The following INPPL1 variants were observed in gnomAD, a reference collection of about 807,000 sequenced individuals.
INPPL1 encodes the protein inositol polyphosphate phosphatase like 1.
A neutral mutation model predicts 139.3 loss-of-function variants in INPPL1; 91 were observed. The observed-to-expected ratio is 0.65, with a 90% CI of 0.55 to 0.78. The LOEUF is 0.78. INPPL1 is among the 30% of genes least tolerant of loss of function. INPPL1 has a pLI of 0.00. For synonymous variants in INPPL1, 719 were observed against 686.6 expected (o/e 1.05, Z -0.74); for missense variants, 1,411 against 1,665.6 (o/e 0.85, Z 2.66).
chr11:72,232,409 C>G (rs1042875967), intron 14 of INPPL1, 73 bp downstream of exon 14: 1 of 1,390,040 alleles, frequency 7.2e-7, no homozygotes, highest in African/African-American at 1.4e-5. Flanking sequence ...GCTCCCATAC[C>G]CTAGCCCATG....
At position 72,230,879 on chromosome 11, in the gene INPPL1, C is replaced by G. The variant is rs1347517741; in HGVS notation, c.1281C>G (p.Phe427Leu). 1.2e-6 allele frequency: 2 copies of G among 1,614,050 alleles called. No homozygotes were observed. Among genetic ancestry groups the G allele is most frequent in the Non-Finnish European group, 1.7e-6 (2 of 1,179,978 alleles). Reference sequence around the variant, plus strand: ...ACGAGCCCGACATGATCTCAGTCTTCATAGGCACCTGGAACATGGGTCAGG... The same window carrying G: ...ACGAGCCCGACATGATCTCAGTCTTGATAGGCACCTGGAACATGGGTCAGG... ...KQDEPDMISV[F>L]IGTWNMGSVP... The change falls in exon 11 of 28, where the codon TTC (phenylalanine) becomes TTG (leucine). Residue 427 changes from phenylalanine (F) to leucine (L), a missense_variant. Phe to Leu is a conservative substitution (Grantham distance 22). This residue lies in a region of INPPL1 where 504 missense variants were observed against 595.6 expected (regional missense o/e 0.85). Transcript: ENST00000298229.
chr11:72,228,388 G>T lies in INPPL1; in HGVS notation c.287G>T (p.Gly96Val), dbSNP rs1379971055. 1 of 1,613,384 alleles carries T rather than the reference G, an allele frequency of 6.2e-7. No individual in the cohort carries two copies. The highest frequency in any genetic ancestry group is 8.5e-7 in the Non-Finnish European group (1 of 1,179,988). The change falls in exon 3 of 28, where the codon GGT becomes GTT. Residue 96 changes from glycine to valine, a missense_variant. By Grantham distance (109) the Gly-to-Val change is moderately radical. Transcript: ENST00000298229. This position sits in a 1 kb window ranked among gnomAD's most constrained non-coding sequence, Gnocchi z 5.0. Reference sequence around the variant, plus strand: ...CCTGTGCGCCGCTTCCAGACCCTGGGTGAGCTCATCGGCCTGTACGCCCAG... The same window carrying T: ...CCTGTGCGCCGCTTCCAGACCCTGGTTGAGCTCATCGGCCTGTACGCCCAG... ...GVPVRRFQTLGELIGLYAQPN... is the reference protein window; with the variant it reads ...GVPVRRFQTLVELIGLYAQPN...
In INPPL1 at chr11:72,237,731, G is replaced by A; in HGVS notation, c.3487G>A (p.Gly1163Ser). ...QPPRGLPSDYGRPLSFPPPRI... is the reference protein window; with the variant it reads ...QPPRGLPSDYSRPLSFPPPRI... ...CCCCCGGGGACTGCCCTCGGACTAT[G>A]GCCGGCCCCTCAGCTTCCCTCCACC... is the stretch of plus-strand genomic sequence containing the variant. The change falls in exon 26 of 28, where the codon GGC becomes AGC. Residue 1163 changes from glycine (G) to serine (S), a missense_variant. By Grantham distance (56) the Gly-to-Ser change is moderately conservative. Transcript: ENST00000298229. 4 of 1,611,742 alleles carry A rather than the reference G, an allele frequency of 2.5e-6. No homozygotes were observed. Among genetic ancestry groups the A allele is most frequent in the Non-Finnish European group, 3.4e-6 (4 of 1,179,518 alleles).
intron 25 of INPPL1, among the ~76,000 whole-genome samples, chr11:72,236,684 T>C (rs1322531071): frequency 6.6e-6 from 1 of 152,196 alleles, no homozygotes; most frequent in Non-Finnish European, 1.5e-5. Flanking sequence ...CATCTTCAGC[T>C]GTTGTCAGTC....
chr11:72,228,114 T>C lies in INPPL1; in HGVS notation c.183-76T>C. On this transcript the variant is annotated intron_variant, in intron 1 of 27. Transcript: ENST00000298229. The surrounding 1 kb of genome is among the most constrained non-coding windows in gnomAD (Gnocchi z 5.0). The stretch of plus-strand genomic sequence containing the variant: ...GAGGGGGTTGGGGTGCTGAGCTTGC[T>C]GGCAGGAGGAAGGGGTGCTTTGGGT... 8 of 1,520,504 alleles carry C rather than the reference T, an allele frequency of 5.3e-6. No individual in the cohort carries two copies. The highest frequency in any genetic ancestry group is 7.3e-6 in the Non-Finnish European group (8 of 1,095,756). 94.2% of individuals were successfully genotyped at this position (1,520,504 alleles called of 1,614,324 possible).
rs1315149178 is a variant in INPPL1, at chr11:72,229,516, C to A, written c.711C>A (p.Asp237Glu). Residue 237 changes from aspartate to glutamate, a missense_variant, in exon 6 of 28, where the codon GAC becomes GAA. Transcript: ENST00000298229. The part of the protein sequence containing the change: ...SGLEILSKVF[D>E]QQSSPMVTRL... Reference sequence around the variant, plus strand: ...TGGAGATCCTGTCCAAGGTGTTTGACCAGCAGAGCTCGCCCATGGTGACCC... The same window carrying A: ...TGGAGATCCTGTCCAAGGTGTTTGAACAGCAGAGCTCGCCCATGGTGACCC... 1 of 1,614,154 alleles carries A rather than the reference C, an allele frequency of 6.2e-7. No individual in the cohort carries two copies. The highest frequency in any genetic ancestry group is 8.5e-7 in the Non-Finnish European group (1 of 1,180,034).
At chr11:72,233,546 A>T in intron 18 of INPPL1, 24 bp downstream of exon 18, 1 of 1,610,144 alleles carries the variant, frequency 6.2e-7, no homozygotes, top group Non-Finnish European at 8.5e-7. Flanking sequence ...GGACAGAGTG[A>T]TGGGAGATCT....
rs966495240 is a variant in INPPL1, at chr11:72,228,531, C to T, written c.397+33C>T. ...CCAGTGTGCAGGTCCCCTCCCTGCC[C>T]CTGTCCCTTGGCTCTACCTGCCTCT... On this transcript the variant is annotated intron_variant, in intron 3 of 27. Transcript: ENST00000298229. This position sits in a 1 kb window ranked among gnomAD's most constrained non-coding sequence, Gnocchi z 5.0. The T allele has an allele frequency of 1.3e-6, 2 of 1,598,824 alleles. No homozygotes were observed. Among genetic ancestry groups the T allele is most frequent in the Non-Finnish European group, 1.7e-6 (2 of 1,178,094 alleles).
intron 5 of INPPL1, 37 bp from the exon 6 acceptor site, chr11:72,229,428 C>T (rs575979068): frequency 1.6e-5 from 25 of 1,583,870 alleles, no homozygotes; most frequent in Admixed American, 1.3e-4. Flanking sequence ...ATACTTAGGT[C>T]GGGGTGGGAG....
At position 72,229,207 on chromosome 11, in the gene INPPL1, T is replaced by C; in HGVS notation, c.636T>C (p.Ala212=). The C allele has an allele frequency of 6.2e-7, 1 of 1,612,150 alleles. No homozygotes were observed. Residue 212 remains alanine, a synonymous_variant, in exon 5 of 28, where the codon GCT becomes GCC. Coordinates refer to ENST00000298229, the MANE Select transcript of INPPL1 (RefSeq NM_001567.4). ...TGCCCCACCTCACCCGTACCCTCGC[T>C]ACCTCATGCCGGAGGCTGCACAGGT... ...SHLPHLTRTL[A]TSCRRLHSEV...
Position 72,229,503 on chromosome 11 carries a change from C to T in INPPL1, c.698C>T (p.Ser233Phe). The T allele has an allele frequency of 6.2e-7, 1 of 1,614,110 alleles. No homozygotes were observed. Among genetic ancestry groups the T allele is most frequent in the East Asian group, 2.2e-5 (1 of 44,880 alleles). Residue 233 changes from serine to phenylalanine, a missense_variant, in exon 6 of 28, where the codon TCC becomes TTC. By Grantham distance (155) the Ser-to-Phe change is radical. Coordinates refer to ENST00000298229, the MANE Select transcript of INPPL1 (RefSeq NM_001567.4). ...GTCCTGTCAGGCCTGGAGATCCTGT[C>T]CAAGGTGTTTGACCAGCAGAGCTCG... ...DKVLSGLEIL[S>F]KVFDQQSSPM...
At chr11:72,238,000 T>C (rs1398013940) in intron 26 of INPPL1, 42 bp from the exon 27 acceptor site, 2 of 1,511,068 alleles carry the variant, frequency 1.3e-6, no homozygotes, top group Non-Finnish European at 1.8e-6. Context: ...GGTGTTTCTA[T>C]GGGGGGCACT....
At position 72,238,680 on chromosome 11, in the gene INPPL1, T is replaced by C. The variant is rs70940823; in HGVS notation, c.*327T>C. The C allele has an allele frequency of 9.7e-4, 193 of 199,324 alleles. 3 individuals carry two copies. In the East Asian group the frequency reaches 0.019, roughly 20 times the overall value. 12.3% of individuals were successfully genotyped at this position (199,324 alleles called of 1,614,324 possible). On this transcript the variant is annotated 3_prime_UTR_variant, in exon 28 of 28. Coordinates refer to ENST00000298229, the MANE Select transcript of INPPL1 (RefSeq NM_001567.4). ...GCCTGTGGGGGTCCATTTGGGTACGTCTGGGCCCCCACTTTCACCAGTTTC... is the reference window on the plus strand; with the variant it reads ...GCCTGTGGGGGTCCATTTGGGTACGCCTGGGCCCCCACTTTCACCAGTTTC...
Position 72,235,144 on chromosome 11 carries a change from A to G in INPPL1, c.2444A>G (p.Tyr815Cys). Residue 815 changes from tyrosine to cysteine, a missense_variant, in exon 22 of 28, where the codon TAC (tyrosine) becomes TGC (cysteine). Tyr to Cys is a radical substitution (Grantham distance 194, BLOSUM62 -2). Coordinates refer to ENST00000298229, the MANE Select transcript of INPPL1 (RefSeq NM_001567.4). The surrounding 1 kb of genome is among the most constrained non-coding windows in gnomAD (Gnocchi z 4.9). The stretch of plus-strand genomic sequence containing the variant: ...AAACCAATTCTGGCTGATATCGAGT[A>G]CCTGCAGGACCAGCACCTCCTGCTC... ...TLKPILADIE[Y>C]LQDQHLLLTV... is the part of the protein sequence containing the mutation. 6.2e-7 allele frequency: 1 copy of G among 1,613,874 alleles called. No homozygotes were observed. Among genetic ancestry groups the G allele is most frequent in the Non-Finnish European group, 8.5e-7 (1 of 1,179,964 alleles).
chr11:72,233,616 T>C lies in INPPL1; in HGVS notation c.2123-39T>C, dbSNP rs1343064589. ...GGGAGGTGGGAGCCGAGGGTGGGAA[T>C]ATTCCCCCTGAGTCCCCATTCCTAT... On this transcript the variant is annotated intron_variant, in intron 18 of 27. Transcript: ENST00000298229. 1.9e-6 allele frequency: 3 copies of C among 1,608,778 alleles called. No homozygotes were observed. The African/African-American group carries it at 4.0e-5, about 22-fold the overall frequency.
intron 25 of INPPL1, among the ~76,000 whole-genome samples, chr11:72,236,700 G>A (rs1434506921): frequency 5.3e-5 from 8 of 152,134 alleles, no homozygotes; most frequent in African/African-American, 1.4e-4. Context: ...CAGTCACCCC[G>A]GTTTTATCCC....
chr11:72,228,779 T>G lies in INPPL1; in HGVS notation c.450T>G (p.Ile150Met), dbSNP rs762267711. 6.2e-7 allele frequency: 1 copy of G among 1,612,610 alleles called. No individual in the cohort carries two copies. Among genetic ancestry groups the G allele is most frequent in the East Asian group, 2.2e-5 (1 of 44,854 alleles). ...PLPPRSGSTS[I>M]SAPTGPSSPL... is the part of the protein sequence containing the mutation. ...CCCCGCGCTCTGGCTCCACCAGCAT[T>G]TCTGCCCCCACTGGGCCCAGCAGTC... Residue 150 changes from isoleucine to methionine, a missense_variant, in exon 4 of 28, where the codon ATT becomes ATG. By Grantham distance (10) the Ile-to-Met change is conservative. Around this residue, in one of 5 missense-constraint regions of INPPL1, gnomAD observed 504 missense variants for 595.6 expected, o/e 0.85. Coordinates refer to ENST00000298229, the MANE Select transcript of INPPL1 (RefSeq NM_001567.4). The surrounding 1 kb of genome is among the most constrained non-coding windows in gnomAD (Gnocchi z 5.0).
Position 72,224,961 on chromosome 11 carries a change from G to A in INPPL1, c.-24G>A. 4 of 1,100,996 alleles carry A rather than the reference G, an allele frequency of 3.6e-6. No individual in the cohort carries two copies. Among genetic ancestry groups the A allele is most frequent in the Non-Finnish European group, 4.4e-6 (4 of 905,314 alleles). 68.2% of individuals were successfully genotyped at this position (1,100,996 alleles called of 1,614,324 possible). On this transcript the variant is annotated 5_prime_UTR_variant, in exon 1 of 28. Transcript: ENST00000298229. The stretch of plus-strand genomic sequence containing the variant: ...GGATGGCGCGGGGCGGCGGGGGCGG[G>A]CGGTGCTGAGCCCTGCGCGGGCCAT...
At position 72,230,849 on chromosome 11, in the gene INPPL1, G is replaced by A. The variant is rs1333019453; in HGVS notation, c.1251G>A (p.Lys417=). 1.9e-6 allele frequency: 3 copies of A among 1,614,054 alleles called. No homozygotes were observed. Among genetic ancestry groups the A allele is most frequent in the Non-Finnish European group, 2.5e-6 (3 of 1,180,016 alleles). The change falls in exon 11 of 28, where the codon AAG becomes AAA. Residue 417 remains lysine, a synonymous_variant. Coordinates refer to ENST00000298229, the MANE Select transcript of INPPL1 (RefSeq NM_001567.4). ...LLQLMKNKHS[K]QDEPDMISVF... is the part of the protein sequence containing the mutation. ...AGCTCATGAAGAACAAGCACTCCAAGCAGGACGAGCCCGACATGATCTCAG... is the reference window on the plus strand; with the variant it reads ...AGCTCATGAAGAACAAGCACTCCAAACAGGACGAGCCCGACATGATCTCAG...
Sources: allele counts gnomAD v4.1 joint callset (sites outside exome capture counted in the v4.1 genomes callset), GRCh38; gene constraint gnomAD v4.1.1; regional missense constraint gnomAD v4.1.1; non-coding constraint Gnocchi (gnomAD v3.1); transcripts MANE v1.5; gene names NCBI Gene and HGNC (gene_info 2026-07-23, HGNC 2026-07-21).